The following DRC9 variants were observed in gnomAD, a reference collection of about 807,000 sequenced individuals.
DRC9 encodes the protein dynein regulatory complex protein 9.
At chr3:197,932,371 A>T in the DRC9 span, 1 of 1,336,072 alleles carries the variant, frequency 7.5e-7, no homozygotes. Context: ...ATGGTGGCTC[A>T]CCCCTGTAAT....
the DRC9 span, chr3:197,892,563 C>G: frequency 1.3e-4 from 189 of 1,488,130 alleles, no homozygotes; most frequent in African/African-American, 6.4e-4. Flanking sequence ...CTTCCACTCC[C>G]TCCTCAGTGA....
the DRC9 span, among the ~76,000 whole-genome samples, chr3:197,893,272 A>C: frequency 1.4e-5 from 2 of 144,688 alleles, no homozygotes; most frequent in Admixed American, 7.2e-5. Context: ...CAGGAGAATC[A>C]CTTGAACCCA....
chr3:197,948,217 G>C, the DRC9 span, among the ~76,000 whole-genome samples: 10 of 152,170 alleles, frequency 6.6e-5, no homozygotes, highest in Non-Finnish European at 1.5e-4. Context: ...ACAGGCGTGA[G>C]CCACTGCGCC....
At chr3:197,890,012 G>A in the DRC9 span, among the ~76,000 whole-genome samples, 197 of 152,276 alleles carry the variant, frequency 1.3e-3, no homozygotes, top group African/African-American at 4.7e-3. Flanking sequence ...CTTTCCTTGA[G>A]GAAAGTCCAG....
chr3:197,891,592 T>A, the DRC9 span: 1 of 1,114,900 alleles, frequency 9.0e-7, no homozygotes, highest in Non-Finnish European at 1.4e-6. Flanking sequence ...CTCTCTTGGC[T>A]AAGCTGTAGC....
At chr3:197,940,069 C>T in the DRC9 span, among the ~76,000 whole-genome samples, 2 of 152,158 alleles carry the variant, frequency 1.3e-5, no homozygotes, top group Non-Finnish European at 2.9e-5. Flanking sequence ...TCTCCACTCA[C>T]TGCAACCTCT....
chr3:197,943,032 A>C, the DRC9 span, among the ~76,000 whole-genome samples: 1 of 152,356 alleles, frequency 6.6e-6, no homozygotes, highest in African/African-American at 2.4e-5. Flanking sequence ...CAAGAGCTTA[A>C]AAATGCATAA....
chr3:197,912,009 T>A, the DRC9 span, among the ~76,000 whole-genome samples: 1 of 152,054 alleles, frequency 6.6e-6, no homozygotes, highest in East Asian at 1.9e-4. Flanking sequence ...ATAGTCATAA[T>A]TTAAAAATAA....
the DRC9 span, among the ~76,000 whole-genome samples, chr3:197,948,605 A>T: frequency 6.6e-6 from 1 of 152,248 alleles, no homozygotes. Context: ...TAGAACTTTG[A>T]CAAATCAATA....
At chr3:197,930,916 C>A in the DRC9 span, among the ~76,000 whole-genome samples, 1 of 151,580 alleles carries the variant, frequency 6.6e-6, no homozygotes, top group Non-Finnish European at 1.5e-5. Flanking sequence ...TGCCTGTAAT[C>A]CCAGCTACTA....
the DRC9 span, among the ~76,000 whole-genome samples, chr3:197,936,621 C>T: frequency 6.6e-6 from 1 of 152,172 alleles, no homozygotes; most frequent in African/African-American, 2.4e-5. Context: ...CCTTGGCCTC[C>T]CAAAGCATTA....
At chr3:197,914,087 C>A in the DRC9 span, 1 of 1,525,014 alleles carries the variant, frequency 6.6e-7, no homozygotes, top group Non-Finnish European at 9.1e-7. Context: ...TACATTCTAC[C>A]TCCATTCAGT....
the DRC9 span, chr3:197,889,474 A>G: frequency 7.6e-7 from 1 of 1,316,816 alleles, no homozygotes. Context: ...TCTCAATAGG[A>G]AACAACCTGT....
At chr3:197,940,633 C>G in the DRC9 span, among the ~76,000 whole-genome samples, 1 of 152,142 alleles carries the variant, frequency 6.6e-6, no homozygotes, top group Admixed American at 6.6e-5. Context: ...AAGGAAACAT[C>G]CATATACTAA....
the DRC9 span, among the ~76,000 whole-genome samples, chr3:197,935,277 C>A: frequency 9.9e-5 from 15 of 151,926 alleles, no homozygotes; most frequent in Non-Finnish European, 7.4e-5. Flanking sequence ...CCTGTCTCTA[C>A]TAAAAATACA....
the DRC9 span, among the ~76,000 whole-genome samples, chr3:197,920,996 T>A: frequency 1.0e-3 from 152 of 152,352 alleles, no homozygotes; most frequent in Middle Eastern, 0.017. Flanking sequence ...ATCTTCTTGT[T>A]TTCCAACCTT....
the DRC9 span, among the ~76,000 whole-genome samples, chr3:197,912,201 G>C: frequency 1.3e-5 from 2 of 151,716 alleles, no homozygotes; most frequent in Non-Finnish European, 2.9e-5. Flanking sequence ...ACCATGCCCG[G>C]CTAATTTTTG....
the DRC9 span, among the ~76,000 whole-genome samples, chr3:197,916,773 C>T: frequency 2.0e-5 from 3 of 152,020 alleles, no homozygotes; most frequent in African/African-American, 2.4e-5. Flanking sequence ...ACAAATCCTC[C>T]GTTAAGGAAA....
the DRC9 span, among the ~76,000 whole-genome samples, chr3:197,894,041 G>A: frequency 6.6e-6 from 1 of 152,180 alleles, no homozygotes; most frequent in Admixed American, 6.5e-5. Context: ...AGTAAAACAT[G>A]TATTTAAGCT....
Sources: gnomAD v4.1 joint callset for allele counts (sites outside exome capture counted in the v4.1 genomes callset) on GRCh38, gnomAD v4.1.1 for gene constraint, MANE v1.5 for transcripts, NCBI Gene and HGNC (gene_info 2026-07-23, HGNC 2026-07-21) for gene names.